MGAM2: variants seen among roughly 807,000 people sequenced by gnomAD.
MGAM2 encodes probable maltase-glucoamylase 2.
MGAM2 carries 98 observed loss-of-function variants against 96.1 expected under a neutral mutation model. The observed-to-expected ratio is 1.02, with a 90% confidence interval of 0.87 to 1.21. MGAM2 has a LOEUF of 1.21. Ranked by LOEUF, MGAM2 falls within the 50% of genes most tolerant of loss-of-function variation. The pLI is 0.00. For missense variants in MGAM2, 2,055 were observed against 1,182.4 expected (o/e 1.74, Z -10.82); for synonymous variants, 749 against 414.8 (o/e 1.81, Z -9.79).
intron 45 of MGAM2, among the ~76,000 whole-genome samples, chr7:142,203,651 C>A (rs1433967287): frequency 6.6e-6 from 1 of 151,942 alleles, no homozygotes; most frequent in East Asian, 1.9e-4. Flanking sequence ...TAAAAACAGA[C>A]ACATAGCAAT....
chr7:142,197,290 T>G (rs1797073167), intron 40 of MGAM2, 110 bp from the exon 41 acceptor site: 1 of 629,324 alleles, frequency 1.6e-6, no homozygotes, highest in Non-Finnish European at 2.8e-6. Flanking sequence ...AATGAAAGGG[T>G]AAGTGGCTTG....
In MGAM2 at chr7:142,111,998, CTGTGTGTGTGTGTG is replaced by C. The variant is rs57967255; in HGVS notation, c.-1+224_-1+237del. Among the ~76,000 whole-genome samples the C allele has an allele frequency of 4.3e-3, 581 of 133,690 alleles. 4 individuals carry two copies. The highest frequency in any genetic ancestry group is 0.038 in the South Asian group (146 of 3,888). The allele number at this position is 133,690 out of a possible 152,430, so 87.7% of individuals were successfully genotyped here. ...TGAGATAGTTGATGGAGAGGAGAGA[CTGTGTGTGTGTGTG>C]TGTGTGTGTGTGTGTGTGTGTGTGT... On this transcript the variant is annotated intron_variant, in intron 1 of 47. Coordinates refer to ENST00000477922, the MANE Select transcript of MGAM2 (RefSeq NM_001293626.2).
At chr7:142,176,733 C>T (rs1403250971) in intron 32 of MGAM2, among the ~76,000 whole-genome samples, 2 of 152,042 alleles carry the variant, frequency 1.3e-5, no homozygotes, top group Non-Finnish European at 2.9e-5. Flanking sequence ...AGGAACATTG[C>T]TATTATACTC....
Position 142,199,964 on chromosome 7 carries a change from C to A in MGAM2, c.5133C>A (p.Ser1711Arg). The stretch of plus-strand genomic sequence containing the variant: ...AGGTGTTCTGGGATGATGGACAAAG[C>A]ATTGGTGAGTATAAACTTTCCAGGG... ...EGQVFWDDGQ[S>R]IDTYENGNYF... The change falls in exon 45 of 48, where the codon AGC becomes AGA. Residue 1711 changes from serine (S) to arginine (R), a missense_variant. Physicochemically the swap from Ser to Arg is moderately radical, Grantham distance 110 (BLOSUM62 -1). Transcript: ENST00000477922. The A allele has an allele frequency of 1.5e-6, 1 of 679,190 alleles. No individual in the cohort carries two copies. Among genetic ancestry groups the A allele is most frequent in the Non-Finnish European group, 2.7e-6 (1 of 373,152 alleles). The allele number at this position is 679,190 out of a possible 1,614,324, so 42.1% of individuals were successfully genotyped here.
Position 142,175,685 on chromosome 7 carries a change from C to T in MGAM2, c.3721C>T (p.Arg1241Trp), listed in dbSNP as rs780898958. 4.4e-5 allele frequency: 31 copies of T among 702,702 alleles called. No homozygotes were observed. The highest frequency in any genetic ancestry group is 1.2e-4 in the South Asian group (8 of 67,592). The allele number at this position is 702,702 out of a possible 1,614,324, so 43.5% of individuals were successfully genotyped here. The part of the protein sequence containing the change: ...VQHVDIDYMN[R>W]KLDFTLSANF... ...GCATGTAGACATCGATTACATGAAC[C>T]GGAAGCTGGATTTCACCCTCAGTGC... is the stretch of plus-strand genomic sequence containing the variant. Residue 1241 changes from arginine to tryptophan, a missense_variant, in exon 32 of 48, where the codon CGG (arginine) becomes TGG (tryptophan). Transcript: ENST00000477922.
At chr7:142,149,556 T>A (rs1467634081) in intron 15 of MGAM2, among the ~76,000 whole-genome samples, 1 of 152,158 alleles carries the variant, frequency 6.6e-6, no homozygotes, top group Non-Finnish European at 1.5e-5. Flanking sequence ...TTGTTTTTTT[T>A]TTGAGACGGA....
intron 9 of MGAM2, among the ~76,000 whole-genome samples, chr7:142,138,042 C>G (rs1585153983): frequency 6.6e-6 from 1 of 152,280 alleles, no homozygotes; most frequent in East Asian, 1.9e-4. Flanking sequence ...TGGCAGAGCC[C>G]TGTCTCTACT....
chr7:142,202,830 C>A (rs533596011), intron 45 of MGAM2, among the ~76,000 whole-genome samples: 22 of 152,224 alleles, frequency 1.4e-4, no homozygotes, highest in African/African-American at 5.1e-4. Flanking sequence ...TTGGGACATA[C>A]CAAGTAATGA....
intron 45 of MGAM2, among the ~76,000 whole-genome samples, chr7:142,204,253 T>C (rs1340400455): frequency 6.6e-6 from 1 of 152,004 alleles, no homozygotes; most frequent in East Asian, 1.9e-4. Context: ...ATTTTAAATA[T>C]ATTTTAAATT....
At position 142,161,942 on chromosome 7, in the gene MGAM2, C is replaced by T. The variant is rs529682388; in HGVS notation, c.2435-13C>T. 2 of 691,200 alleles carry T rather than the reference C, an allele frequency of 2.9e-6. No homozygotes were observed. The highest frequency in any genetic ancestry group is 1.5e-5 in the South Asian group (1 of 64,926). The allele number at this position is 691,200 out of a possible 1,614,324, so 42.8% of individuals were successfully genotyped here. On this transcript the variant is annotated splice_polypyrimidine_tract_variant and intron_variant, in intron 22 of 47. Coordinates refer to ENST00000477922, the MANE Select transcript of MGAM2 (RefSeq NM_001293626.2). ...GCTTCCCATAGTAACCGGTACTCCT[C>T]TTTCTTTTTTAGATGCTGTGACTGA...
In MGAM2 at chr7:142,222,239, A is replaced by G. The variant is rs911386740; in HGVS notation, c.*180A>G. ...CACTCTCGTCATTGCAGACATGTTT[A>G]GGAAGGTTTACAAACCTTATAGGTT... On this transcript the variant is annotated 3_prime_UTR_variant, in exon 48 of 48. Coordinates refer to ENST00000477922, the MANE Select transcript of MGAM2 (RefSeq NM_001293626.2). 6 of 391,172 alleles carry G rather than the reference A, an allele frequency of 1.5e-5. No homozygotes were observed. The highest frequency in any genetic ancestry group is 2.3e-5 in the Non-Finnish European group (5 of 221,224). The allele number at this position is 391,172 out of a possible 1,614,324, so 24.2% of individuals were successfully genotyped here. A position where few individuals can be genotyped will look rare whatever the true frequency, so the allele number is the denominator to read the frequency against.
In MGAM2 at chr7:142,147,227, G is replaced by C. The variant is rs1056254152; in HGVS notation, c.1517-229G>C. Among the ~76,000 whole-genome samples, 9 of 152,250 alleles carry C rather than the reference G, an allele frequency of 5.9e-5. No individual in the cohort carries two copies. In the South Asian group the frequency reaches 1.0e-3, roughly 18 times the overall value. On this transcript the variant is annotated intron_variant, in intron 14 of 47. Coordinates refer to ENST00000477922, the MANE Select transcript of MGAM2 (RefSeq NM_001293626.2). ...TTGCCTCCCCTCACCAGGATTCTTTGTGAGCTCAAGGGAATGCAGATTAAT... is the reference window on the plus strand; with the variant it reads ...TTGCCTCCCCTCACCAGGATTCTTTCTGAGCTCAAGGGAATGCAGATTAAT...
intron 37 of MGAM2, 47 bp from the exon 38 acceptor site, chr7:142,196,107 A>G (rs1180491981): frequency 2.5e-6 from 2 of 789,662 alleles, no homozygotes; most frequent in Admixed American, 4.0e-5. Context: ...TATTCTCTGT[A>G]AAGGAGTTTG....
chr7:142,191,056 G>C (rs1796854080), intron 37 of MGAM2, among the ~76,000 whole-genome samples: 1 of 151,992 alleles, frequency 6.6e-6, no homozygotes, highest in Non-Finnish European at 1.5e-5. Flanking sequence ...GATCTCTTGA[G>C]CCTAGGAGTT....
chr7:142,136,809 A>T lies in MGAM2; in HGVS notation c.847+169A>T, dbSNP rs189081918. On this transcript the variant is annotated intron_variant, in intron 8 of 47. Transcript: ENST00000477922. ...AGTAGGTTAATCTGTCTACAAATCCAGGTGATACTTGACATTGTTTTCATT... is the reference window on the plus strand; with the variant it reads ...AGTAGGTTAATCTGTCTACAAATCCTGGTGATACTTGACATTGTTTTCATT... 5.3e-4 allele frequency among the ~76,000 whole-genome samples: 81 copies of T among 152,344 alleles called. 1 individual carries two copies. The South Asian group carries it at 0.014, about 27-fold the overall frequency.
At chr7:142,190,950 CATA>C (rs1796850499) in intron 37 of MGAM2, among the ~76,000 whole-genome samples, 1 of 151,912 alleles carries the variant, frequency 6.6e-6, no homozygotes, top group East Asian at 1.9e-4. Context: ...GCTTGGGCAA[CATA>C]ATGAGACCCT....
intron 45 of MGAM2, among the ~76,000 whole-genome samples, chr7:142,202,375 A>AT (rs1300608724): frequency 6.6e-6 from 1 of 152,128 alleles, no homozygotes; most frequent in Non-Finnish European, 1.5e-5. Context: ...GCATGGATGT[A>AT]TTGTATGATG....
chr7:142,197,649 C>T lies in MGAM2; in HGVS notation c.4787C>T (p.Thr1596Met), dbSNP rs144062679. 110 of 702,854 alleles carry T rather than the reference C, an allele frequency of 1.6e-4. No individual in the cohort carries two copies. Among genetic ancestry groups the T allele is most frequent in the Middle Eastern group, 1.4e-3 (6 of 4,370 alleles). The allele number at this position is 702,854 out of a possible 1,614,324, so 43.5% of individuals were successfully genotyped here. A position where few individuals can be genotyped will look rare whatever the true frequency, so the allele number is the denominator to read the frequency against. ...TTCCTGTTTATTTTTTTAAGGTTTA[C>T]GGATGACAGGACAACATGGGATATA... ...TVVRPLLHEF[T>M]DDRTTWDIDR... Residue 1596 changes from threonine (T) to methionine (M), a missense_variant, in exon 42 of 48, where the codon ACG becomes ATG. Thr to Met is a moderately conservative substitution (Grantham distance 81). Transcript: ENST00000477922.
At position 142,132,426 on chromosome 7, in the gene MGAM2, CT is replaced by C. The variant is rs935792810; in HGVS notation, c.575+342del. Among the ~76,000 whole-genome samples, 18 of 132,378 alleles carry C rather than the reference CT, an allele frequency of 1.4e-4. No individual in the cohort carries two copies. In the South Asian group the frequency reaches 2.3e-3, roughly 17 times the overall value. The allele number at this position is 132,378 out of a possible 152,430, so 86.8% of individuals were successfully genotyped here. ...ATAATATAATAATAATATATTATTA[CT>C]ATTAATATAATTAATAATATTATAA... On this transcript the variant is annotated intron_variant, in intron 6 of 47. Transcript: ENST00000477922.
Sources: gnomAD v4.1 joint callset for allele counts (sites outside exome capture counted in the v4.1 genomes callset) on GRCh38, gnomAD v4.1.1 for gene constraint, MANE v1.5 for transcripts, NCBI Gene and HGNC (gene_info 2026-07-23, HGNC 2026-07-21) for gene names.